DSCAM: variants seen among roughly 807,000 people sequenced by gnomAD.
DSCAM encodes the protein DS cell adhesion molecule, also known as cell adhesion molecule DSCAM.
A neutral mutation model predicts 217.7 loss-of-function variants in DSCAM; 47 were observed. The observed-to-expected ratio is 0.22, with a 90% confidence interval of 0.17 to 0.28. The LOEUF (loss-of-function observed/expected upper bound fraction) is 0.28, where lower values mean the gene tolerates loss of function less well. DSCAM is among the 10% of genes least tolerant of loss of function. The pLI, the probability that DSCAM is intolerant of heterozygous loss-of-function variation, is 1.00. For missense variants in DSCAM, 2,080 were observed against 2,618.3 expected (o/e 0.79, Z 4.49); for synonymous variants, 1,056 against 1,015.3 (o/e 1.04, Z -0.76).
Position 40,091,772 on chromosome 21 carries a change from C to T in DSCAM, c.3850+1949G>A, listed in dbSNP as rs536025081. On this transcript the variant is annotated intron_variant, in intron 21 of 32. Coordinates refer to ENST00000400454, the MANE Select transcript of DSCAM (RefSeq NM_001389.5). ...GGAGCATAGGGCATGTATTACATGG[C>T]GGCAGGCAAGAGAGCATGTGTGGTG... 2.5e-4 allele frequency among the ~76,000 whole-genome samples: 38 copies of T among 152,100 alleles called. 1 individual carries two copies. The highest frequency in any genetic ancestry group is 7.2e-4 in the Admixed American group (11 of 15,266).
chr21:40,511,856 T>C (rs1008031534), intron 3 of DSCAM, among the ~76,000 whole-genome samples: 1 of 151,664 alleles, frequency 6.6e-6, no homozygotes, highest in East Asian at 1.9e-4. Context: ...CCGGGCGTGG[T>C]GGCAGGCGCC....
intron 1 of DSCAM, among the ~76,000 whole-genome samples, chr21:40,711,904 T>G (rs78128909): frequency 6.6e-6 from 1 of 152,188 alleles, no homozygotes; most frequent in African/African-American, 2.4e-5. Flanking sequence ...CAACTCTTCC[T>G]CTGAGCATCT....
At chr21:40,306,268 C>CTTGTGATT (rs1361266126) in intron 9 of DSCAM, among the ~76,000 whole-genome samples, 2 of 145,222 alleles carry the variant, frequency 1.4e-5, no homozygotes, top group Non-Finnish European at 3.0e-5. Flanking sequence ...TATAAGAATG[C>CTTGTGATT]TTGTGATTTT....
At chr21:40,594,630 G>A (rs2077007857) in intron 3 of DSCAM, among the ~76,000 whole-genome samples, 1 of 152,232 alleles carries the variant, frequency 6.6e-6, no homozygotes, top group Non-Finnish European at 1.5e-5. Context: ...ATGGCCTAAA[G>A]AGGATGCTGG....
At chr21:40,014,367 G>A (rs867473625) in intron 32 of DSCAM, among the ~76,000 whole-genome samples, 7 of 152,032 alleles carry the variant, frequency 4.6e-5, no homozygotes, top group Admixed American at 2.6e-4. Flanking sequence ...TCCAGCCTGG[G>A]TGACAGAGCA....
At chr21:40,705,572 G>A (rs577436300) in intron 2 of DSCAM, among the ~76,000 whole-genome samples, 29 of 152,308 alleles carry the variant, frequency 1.9e-4, no homozygotes, top group Non-Finnish European at 3.5e-4. Flanking sequence ...CCTCTTCACA[G>A]GGTGGCAGGA....
chr21:40,695,789 T>C (rs1277776605), intron 2 of DSCAM, among the ~76,000 whole-genome samples: 1 of 152,194 alleles, frequency 6.6e-6, no homozygotes, highest in Non-Finnish European at 1.5e-5. Context: ...AATATACATG[T>C]ATGCACATTT....
At chr21:40,714,970 T>C (rs991544327) in intron 1 of DSCAM, among the ~76,000 whole-genome samples, 1 of 152,228 alleles carries the variant, frequency 6.6e-6, no homozygotes, top group East Asian at 1.9e-4. Context: ...GAGCTCCTTA[T>C]AAAATAATAC....
Position 40,012,222 on chromosome 21 carries a change from C to G in DSCAM, c.*812G>C, listed in dbSNP as rs917556480. The G allele has an allele frequency of 6.6e-6, 1 of 152,212 alleles. No individual in the cohort carries two copies. Among genetic ancestry groups the G allele is most frequent in the Admixed American group, 6.5e-5 (1 of 15,282 alleles). The allele number at this position is 152,212 out of a possible 1,614,324, so 9.4% of individuals were successfully genotyped here. A position where few individuals can be genotyped will look rare whatever the true frequency, so the allele number is the denominator to read the frequency against. Reference sequence around the variant, plus strand: ...GGTGGAGACCAGCCTGCATTTTGTCCTCTCCAGCTTGAGAGCAGGAGCTGC... The same window carrying G: ...GGTGGAGACCAGCCTGCATTTTGTCGTCTCCAGCTTGAGAGCAGGAGCTGC... On this transcript the variant is annotated 3_prime_UTR_variant, in exon 33 of 33. Coordinates refer to ENST00000400454, the MANE Select transcript of DSCAM (RefSeq NM_001389.5).
At chr21:40,677,960 C>T (rs2090359458) in intron 3 of DSCAM, among the ~76,000 whole-genome samples, 1 of 146,998 alleles carries the variant, frequency 6.8e-6, no homozygotes, top group Non-Finnish European at 1.5e-5. Flanking sequence ...GCAGCCCAAA[C>T]AATCTAAGAC....
At chr21:40,382,310 C>T (rs1188260008) in intron 3 of DSCAM, among the ~76,000 whole-genome samples, 2 of 152,072 alleles carry the variant, frequency 1.3e-5, no homozygotes, top group South Asian at 4.2e-4. Flanking sequence ...TTTGCCTCAT[C>T]CTGACATTCA....
At chr21:40,394,297 G>C (rs2837614) in intron 3 of DSCAM, among the ~76,000 whole-genome samples, 63,198 of 152,138 alleles carry the variant, frequency 0.42, 14,393 homozygotes, top group South Asian at 0.61. Flanking sequence ...TTTATTAGTT[G>C]AATGAGAGGT....
intron 26 of DSCAM, among the ~76,000 whole-genome samples, chr21:40,075,597 A>AGAATGAACAAAAGGTTGGGC (rs1364991234): frequency 6.6e-6 from 1 of 152,224 alleles, no homozygotes; most frequent in Non-Finnish European, 1.5e-5. Context: ...TGCACATCAA[A>AGAATGAACAAAAGGTTGGGC]GAATGAACAA....
At chr21:40,014,637 C>T (rs2088125075) in intron 32 of DSCAM, among the ~76,000 whole-genome samples, 1 of 152,162 alleles carries the variant, frequency 6.6e-6, no homozygotes, top group South Asian at 2.1e-4. Context: ...GACGTGCCTC[C>T]AACCAATCCC....
At chr21:40,257,764 A>G (rs1419926968) in intron 11 of DSCAM, among the ~76,000 whole-genome samples, 1 of 152,134 alleles carries the variant, frequency 6.6e-6, no homozygotes, top group Non-Finnish European at 1.5e-5. Context: ...ATGCTCATGC[A>G]CTTACCCTTG....
chr21:40,206,833 C>A (rs1392869753), intron 11 of DSCAM, among the ~76,000 whole-genome samples: 1 of 152,202 alleles, frequency 6.6e-6, no homozygotes, highest in Admixed American at 6.5e-5. Context: ...ACCCCTTGGG[C>A]CCAACAGGTC....
At position 40,122,760 on chromosome 21, in the gene DSCAM, T is replaced by C. The variant is rs577900315; in HGVS notation, c.3696+1435A>G. 2.0e-5 allele frequency among the ~76,000 whole-genome samples: 3 copies of C among 152,298 alleles called. No individual in the cohort carries two copies. In the East Asian group the frequency reaches 5.8e-4, roughly 29 times the overall value. The stretch of plus-strand genomic sequence containing the variant: ...TGACTTCAAGGGCAGAGTACTGCCA[T>C]GAATGCATAAGCAGTAGAGAACACA... On this transcript the variant is annotated intron_variant, in intron 20 of 32. Coordinates refer to ENST00000400454, the MANE Select transcript of DSCAM (RefSeq NM_001389.5).
chr21:40,577,349 C>G (rs2076859971), intron 3 of DSCAM, among the ~76,000 whole-genome samples: 1 of 151,646 alleles, frequency 6.6e-6, no homozygotes, highest in Non-Finnish European at 1.5e-5. Flanking sequence ...GGGTGAGAAG[C>G]TGAGGACTCA....
intron 3 of DSCAM, among the ~76,000 whole-genome samples, chr21:40,421,188 T>A (rs2075420447): frequency 6.6e-6 from 1 of 152,170 alleles, no homozygotes; most frequent in Admixed American, 6.5e-5. Flanking sequence ...GGAGCTGGTA[T>A]CACCACTGCC....
Sources: allele counts gnomAD v4.1 joint callset (sites outside exome capture counted in the v4.1 genomes callset), GRCh38; gene constraint gnomAD v4.1.1; transcripts MANE v1.5; gene names NCBI Gene and HGNC (gene_info 2026-07-23, HGNC 2026-07-21).